Variants in NRXN3 observed in about 807,000 individuals in gnomAD.
The protein encoded by NRXN3 is neurexin III.
NRXN3 carries 32 observed loss-of-function variants against 137.6 expected under a neutral mutation model. The ratio of observed to expected loss-of-function variants is 0.23; its 90% CI spans 0.18 to 0.31. NRXN3 has a LOEUF of 0.31. NRXN3 is among the 10% of genes least tolerant of loss of function. The pLI, the probability that NRXN3 is intolerant of heterozygous loss-of-function variation, is 1.00. For synonymous variants in NRXN3, 798 were observed against 784.5 expected (o/e 1.02, Z -0.29); for missense variants, 1,574 against 2,062.5 (o/e 0.76, Z 4.59).
chr14:79,286,833 G>A (rs1014386060), intron 15 of NRXN3, among the ~76,000 whole-genome samples: 1 of 152,026 alleles, frequency 6.6e-6, no homozygotes, highest in Non-Finnish European at 1.5e-5. Flanking sequence ...GTGAACTTAA[G>A]TCACAATGAA....
intron 19 of NRXN3, among the ~76,000 whole-genome samples, chr14:79,753,475 A>C (rs2154091922): frequency 6.6e-6 from 1 of 150,754 alleles, no homozygotes; most frequent in Non-Finnish European, 1.5e-5. Flanking sequence ...CAAGGACAAA[A>C]AACAAAACAC....
chr14:79,362,032 T>TATTATTATC (rs1464425228), intron 15 of NRXN3, among the ~76,000 whole-genome samples: 6 of 147,932 alleles, frequency 4.1e-5, no homozygotes, highest in African/African-American at 1.2e-4. Context: ...TTATTATTAT[T>TATTATTATC]ATTTGCAACC....
At chr14:78,233,145 G>A (rs7145054) in intron 1 of NRXN3, among the ~76,000 whole-genome samples, 46,287 of 151,946 alleles carry the variant, frequency 0.3, 7,622 homozygotes, top group African/African-American at 0.43. Context: ...CATGGTAAGA[G>A]GGCATGATTA....
intron 16 of NRXN3, among the ~76,000 whole-genome samples, chr14:79,532,189 G>C (rs1321301469): frequency 1.3e-5 from 2 of 152,148 alleles, no homozygotes; most frequent in Non-Finnish European, 2.9e-5. Flanking sequence ...AGCATTTATA[G>C]CATATATGGA....
intron 4 of NRXN3, among the ~76,000 whole-genome samples, chr14:78,349,659 C>A (rs917115301): frequency 6.6e-6 from 1 of 152,150 alleles, no homozygotes; most frequent in Admixed American, 6.5e-5. Flanking sequence ...ACTGTAAGCT[C>A]CTTGAAGACA....
chr14:79,752,698 A>C lies in NRXN3; in HGVS notation c.4015-52414A>C, dbSNP rs867687768. ...CTAAAACACCAAAAGCAATGGCAAC[A>C]AAAGCCAAAATTGACAAATGGGATC... On this transcript the variant is annotated intron_variant, in intron 19 of 20. Transcript: ENST00000335750. Among the ~76,000 whole-genome samples the C allele has an allele frequency of 9.6e-3, 1,455 of 152,200 alleles. 19 individuals are homozygous for C. Among genetic ancestry groups the C allele is most frequent in the African/African-American group, 0.033 (1,351 of 41,528 alleles).
At position 78,912,035 on chromosome 14, in the gene NRXN3, G is replaced by A. The variant is rs565837542; in HGVS notation, c.2276-45207G>A. On this transcript the variant is annotated intron_variant, in intron 10 of 20. Transcript: ENST00000335750. ...GCTGCACCCATTAACTCGTCATTTA[G>A]CATTAGGTATATCTCCTAATGCTAT... 3.7e-3 allele frequency among the ~76,000 whole-genome samples: 548 copies of A among 146,372 alleles called. 3 individuals carry two copies. The highest frequency in any genetic ancestry group is 0.014 in the African/African-American group (514 of 36,508).
At chr14:79,821,235 C>T (rs2099271355) in intron 20 of NRXN3, among the ~76,000 whole-genome samples, 1 of 152,182 alleles carries the variant, frequency 6.6e-6, no homozygotes, top group Non-Finnish European at 1.5e-5. Context: ...ACAATAACCT[C>T]TCATTTTACC....
At chr14:78,382,882 A>G (rs1047663188) in intron 4 of NRXN3, among the ~76,000 whole-genome samples, 1 of 152,068 alleles carries the variant, frequency 6.6e-6, no homozygotes, top group African/African-American at 2.4e-5. Flanking sequence ...GGTCTGTACG[A>G]TCTCTCTGAT....
chr14:78,191,432 A>G (rs1368817050), intron 1 of NRXN3, among the ~76,000 whole-genome samples: 1 of 152,164 alleles, frequency 6.6e-6, no homozygotes, highest in Admixed American at 6.5e-5. Context: ...CATGCTTCAG[A>G]GCAGTCAGAA....
intron 8 of NRXN3, among the ~76,000 whole-genome samples, chr14:78,770,475 T>A (rs2098723542): frequency 6.6e-6 from 1 of 152,170 alleles, no homozygotes; most frequent in African/African-American, 2.4e-5. Context: ...AGCAAAGATG[T>A]GCAAGGATGG....
intron 15 of NRXN3, among the ~76,000 whole-genome samples, chr14:79,237,810 C>T (rs371044278): frequency 3.9e-5 from 6 of 151,940 alleles, no homozygotes; most frequent in Admixed American, 6.6e-5. Flanking sequence ...GATTAAAATC[C>T]GTATTCTGTT....
Position 79,374,159 on chromosome 14 carries a change from C to A in NRXN3, c.3263-93062C>A, listed in dbSNP as rs761397908. ...TTGTTTGTATTATACTGGAAATAGT[C>A]TCATTGTACTATATGGCACTCAAAA... On this transcript the variant is annotated intron_variant, in intron 15 of 20. Transcript: ENST00000335750. Among the ~76,000 whole-genome samples the A allele has an allele frequency of 3.0e-4, 46 of 152,068 alleles. 2 individuals carry two copies. Among genetic ancestry groups the A allele is most frequent in the Admixed American group, 6.6e-5 (1 of 15,242 alleles).
At chr14:78,400,076 A>G (rs2091906035) in intron 4 of NRXN3, among the ~76,000 whole-genome samples, 2 of 152,256 alleles carry the variant, frequency 1.3e-5, no homozygotes, top group Non-Finnish European at 2.9e-5. Context: ...GTATTTGCAG[A>G]GAAATAACTG....
intron 15 of NRXN3, among the ~76,000 whole-genome samples, chr14:79,436,037 G>A (rs61993138): frequency 0.029 from 4,373 of 152,200 alleles, 89 homozygotes; most frequent in Middle Eastern, 0.054. Flanking sequence ...GTTCTGCTCG[G>A]AATGCCCTCT....
chr14:79,692,507 A>C (rs2098720366), intron 18 of NRXN3, among the ~76,000 whole-genome samples: 1 of 152,134 alleles, frequency 6.6e-6, no homozygotes, highest in African/African-American at 2.4e-5. Flanking sequence ...AACACAAACA[A>C]GAAATTCCAG....
At chr14:78,537,658 T>G (rs56225616) in intron 4 of NRXN3, among the ~76,000 whole-genome samples, 36,201 of 152,096 alleles carry the variant, frequency 0.24, 4,518 homozygotes, top group Middle Eastern at 0.32. Context: ...CATTGCTTTT[T>G]GTGTTTTAGT....
chr14:79,734,087 C>T (rs61586045), intron 19 of NRXN3, among the ~76,000 whole-genome samples: 2,638 of 152,182 alleles, frequency 0.017, 76 homozygotes, highest in African/African-American at 0.06. Flanking sequence ...GACAGAAAAA[C>T]GTTGTTTTGA....
chr14:78,967,769 T>C (rs1446652231), intron 13 of NRXN3, among the ~76,000 whole-genome samples: 1 of 152,126 alleles, frequency 6.6e-6, no homozygotes, highest in Non-Finnish European at 1.5e-5. Flanking sequence ...TCAGCTTACA[T>C]TTACTTTTCT....
Sources: allele counts gnomAD v4.1 joint callset (sites outside exome capture counted in the v4.1 genomes callset), GRCh38; gene constraint gnomAD v4.1.1; transcripts MANE v1.5; gene names NCBI Gene and HGNC (gene_info 2026-07-23, HGNC 2026-07-21).